The following THSD4 variants were observed in gnomAD, a reference collection of about 807,000 sequenced individuals.
The protein encoded by THSD4 is thrombospondin type 1 domain containing 4.
Under a neutral mutation model 119.0 loss-of-function variants are expected in THSD4, and 69 were observed. That is an observed-to-expected ratio of 0.58 (90% CI 0.48 to 0.71). THSD4 has a LOEUF of 0.71. Ranked by LOEUF, THSD4 falls within the 30% of genes least tolerant of loss-of-function variation. THSD4 has a pLI of 0.00. For missense variants in THSD4, 1,393 were observed against 1,391.1 expected, an observed-to-expected ratio of 1.00 and a Z score of -0.02; for synonymous variants, 524 against 540.4, an observed-to-expected ratio of 0.97 and a Z score of 0.42.
At chr15:71,578,170 TATATATATAATGA>T (rs1026831889) in intron 7 of THSD4, among the ~76,000 whole-genome samples, 2 of 148,704 alleles carry the variant, frequency 1.3e-5, no homozygotes, top group Admixed American at 1.4e-4. Context: ...ATATATTCAT[TATATATATAATGA>T]ATATATATAC....
At position 71,731,227 on chromosome 15, in the gene THSD4, C is replaced by T. The variant is rs2052973263; in HGVS notation, c.1630+10C>T. 6.2e-7 allele frequency: 1 copy of T among 1,613,456 alleles called. No individual in the cohort carries two copies. Among genetic ancestry groups the T allele is most frequent in the Admixed American group, 1.7e-5 (1 of 59,998 alleles). On this transcript the variant is annotated intron_variant, in intron 10 of 17. Transcript: ENST00000261862. ...CCCCACAGGAGACCAGGTAGAATCCCTTGTCTTGTGGCCGGGGACTCTGGT... is the reference window on the plus strand; with the variant it reads ...CCCCACAGGAGACCAGGTAGAATCCTTTGTCTTGTGGCCGGGGACTCTGGT...
intron 8 of THSD4, among the ~76,000 whole-genome samples, chr15:71,724,821 G>A (rs549560573): frequency 3.9e-4 from 59 of 151,344 alleles, no homozygotes; most frequent in African/African-American, 1.3e-3. Flanking sequence ...GATTTGGGGG[G>A]ATAGGAAGAG....
intron 6 of THSD4, among the ~76,000 whole-genome samples, chr15:71,381,786 T>G (rs61283017): frequency 1.4e-3 from 209 of 152,286 alleles, no homozygotes; most frequent in African/African-American, 4.9e-3. Flanking sequence ...TCCCACACAA[T>G]TTTTGGAACA....
At position 71,242,880 on chromosome 15, in the gene THSD4, C is replaced by T. The variant is rs371705781; in HGVS notation, c.696C>T (p.Arg232=). Residue 232 remains arginine, a synonymous_variant, in exon 5 of 18, where the codon CGC becomes CGT. Coordinates refer to ENST00000261862, the MANE Select transcript of THSD4 (RefSeq NM_024817.3). The part of the protein sequence containing the change: ...GPLYQSDSGP[R]SGLQAAEAPI... ...TGTACCAAAGTGACAGTGGCCCTCGCTCTGGACTGCAGGCTGCGGAGGCCC... is the reference window on the plus strand; with the variant it reads ...TGTACCAAAGTGACAGTGGCCCTCGTTCTGGACTGCAGGCTGCGGAGGCCC... The T allele has an allele frequency of 6.2e-6, 10 of 1,614,110 alleles. No individual in the cohort carries two copies. In the Admixed American group the frequency reaches 1.2e-4, roughly 19 times the overall value.
intron 7 of THSD4, among the ~76,000 whole-genome samples, chr15:71,416,746 GTTTTATTTTA>G (rs370499335): frequency 3.0e-4 from 5 of 16,512 alleles, no homozygotes; most frequent in Admixed American, 1.6e-3. Flanking sequence ...GTTTTGTTTT[GTTTTATTTTA>G]TTTTATTTTA....
chr15:71,505,160 C>T (rs779802486), intron 7 of THSD4, among the ~76,000 whole-genome samples: 1 of 151,966 alleles, frequency 6.6e-6, no homozygotes, highest in Non-Finnish European at 1.5e-5. Flanking sequence ...CTTGCCTTTA[C>T]CTCAACAGAT....
intron 7 of THSD4, among the ~76,000 whole-genome samples, chr15:71,571,485 C>T (rs1404418077): frequency 6.6e-6 from 1 of 152,102 alleles, no homozygotes. Context: ...AAAAAGAGAT[C>T]CCTGGGCTTA....
At chr15:71,419,153 ATTTC>A in intron 7 of THSD4, among the ~76,000 whole-genome samples, 1 of 104,726 alleles carries the variant, frequency 9.5e-6, no homozygotes, top group South Asian at 3.0e-4. Context: ...CTTCATTTCA[ATTTC>A]ATTTATTTCT....
At chr15:71,118,661 C>T (rs904038684) in intron 1 of THSD4, among the ~76,000 whole-genome samples, 8 of 152,184 alleles carry the variant, frequency 5.3e-5, no homozygotes, top group Non-Finnish European at 1.2e-4. Context: ...TTCTGGTTTT[C>T]CCATCTTTTT....
intron 6 of THSD4, among the ~76,000 whole-genome samples, chr15:71,352,089 A>T (rs1269830513): frequency 1.3e-5 from 2 of 152,208 alleles, no homozygotes; most frequent in African/African-American, 4.8e-5. Flanking sequence ...ACAAAAGAAA[A>T]GACTGCCATG....
chr15:71,350,649 A>G (rs1338460725), intron 6 of THSD4, among the ~76,000 whole-genome samples: 1 of 152,226 alleles, frequency 6.6e-6, no homozygotes, highest in Non-Finnish European at 1.5e-5. Context: ...ATTTGAAAGA[A>G]ATTCAGCTAG....
intron 7 of THSD4, among the ~76,000 whole-genome samples, chr15:71,599,551 C>T (rs2049968484): frequency 6.6e-6 from 1 of 152,216 alleles, no homozygotes; most frequent in Non-Finnish European, 1.5e-5. Context: ...TATGGAGTAT[C>T]TCAAGGGTAG....
At chr15:71,766,276 A>G (rs992633707) in intron 16 of THSD4, among the ~76,000 whole-genome samples, 9 of 152,048 alleles carry the variant, frequency 5.9e-5, no homozygotes, top group African/African-American at 2.2e-4. Flanking sequence ...GTGACCAGAA[A>G]ACCTCCTGAG....
intron 3 of THSD4, among the ~76,000 whole-genome samples, chr15:71,205,653 T>C (rs912461581): frequency 3.3e-5 from 5 of 152,238 alleles, no homozygotes; most frequent in African/African-American, 4.8e-5. Flanking sequence ...CTGAATGTAT[T>C]GTGCTCCCGT....
chr15:71,112,638 C>T (rs762303933), upstream of THSD4, among the ~76,000 whole-genome samples: 4 of 152,166 alleles, frequency 2.6e-5, no homozygotes, highest in Non-Finnish European at 5.9e-5. Flanking sequence ...CAGGCAGGCC[C>T]CCAGCCTAGG....
intron 6 of THSD4, among the ~76,000 whole-genome samples, chr15:71,270,800 A>G (rs2044519215): frequency 8.4e-6 from 1 of 119,002 alleles, no homozygotes; most frequent in African/African-American, 3.1e-5. Flanking sequence ...CCCTACTGGA[A>G]GGGAATTAGA....
At position 71,100,362 on chromosome 15, in the gene THSD4, C is replaced by T. The variant is rs922411630; in HGVS notation, c.-80+3356C>T. Among the ~76,000 whole-genome samples, 6 of 152,294 alleles carry T rather than the reference C, an allele frequency of 3.9e-5. No homozygotes were observed. In the South Asian group the frequency reaches 1.2e-3, roughly 32 times the overall value. Reference sequence around the variant, plus strand: ...GAAGTAAGTTGCCATGTTGGGGAGGCTCACATGGCAAGAAACTGAGGCCTT... The same window carrying T: ...GAAGTAAGTTGCCATGTTGGGGAGGTTCACATGGCAAGAAACTGAGGCCTT... On this transcript the variant is annotated intron_variant, in intron 1 of 17. Coordinates refer to the THSD4 transcript ENST00000355327.
chr15:71,332,714 A>C (rs2045438112), intron 6 of THSD4, among the ~76,000 whole-genome samples: 2 of 152,034 alleles, frequency 1.3e-5, no homozygotes, highest in Admixed American at 1.3e-4. Flanking sequence ...CTCTTTTGCC[A>C]TACCTAGAAT....
chr15:71,625,271 G>A (rs1162421587), intron 7 of THSD4, among the ~76,000 whole-genome samples: 10 of 152,160 alleles, frequency 6.6e-5, no homozygotes, highest in Admixed American at 5.2e-4. Context: ...GCCTCCCAAA[G>A]TGCTGGGATT....
Sources: gnomAD v4.1 joint callset for allele counts (sites outside exome capture counted in the v4.1 genomes callset) on GRCh38, gnomAD v4.1.1 for gene constraint, MANE v1.5 for transcripts, NCBI Gene and HGNC (gene_info 2026-07-23, HGNC 2026-07-21) for gene names.